PSEN1: variants seen among roughly 807,000 people sequenced by gnomAD.
The protein encoded by PSEN1 is presenilin 1.
Under a neutral mutation model 53.5 loss-of-function variants are expected in PSEN1, and 15 were observed. That is an observed-to-expected ratio of 0.28 (90% CI 0.19 to 0.43). The LOEUF (loss-of-function observed/expected upper bound fraction) is 0.43, where lower values mean the gene tolerates loss of function less well. Ranked by LOEUF, PSEN1 falls within the 20% of genes least tolerant of loss-of-function variation. The pLI, the probability that PSEN1 is intolerant of heterozygous loss-of-function variation, is 1.00. For missense variants in PSEN1, 387 were observed against 571.2 expected (o/e 0.68, Z 3.29); for synonymous variants, 208 against 209.8 (o/e 0.99, Z 0.08).
intron 1 of PSEN1, chr14:73,137,204 G>A (rs987727897): frequency 3.9e-5 from 6 of 152,380 alleles, no homozygotes; most frequent in African/African-American, 1.4e-4. Flanking sequence ...GAGAATTGAG[G>A]TGACTTTTCC....
In PSEN1 at chr14:73,213,111, T is replaced by C. The variant is rs201090176; in HGVS notation, c.1129+1169T>C. 8.5e-5 allele frequency among the ~76,000 whole-genome samples: 13 copies of C among 152,288 alleles called. 1 individual carries two copies. In the East Asian group the frequency reaches 2.3e-3, roughly 27 times the overall value. ...ACTGCTTGGCTGAGTTTTCCAGATA[T>C]CAAAGCCCAGCTGCAGCCTGTGACT... On this transcript the variant is annotated intron_variant, in intron 10 of 11. Coordinates refer to ENST00000324501, the MANE Select transcript of PSEN1 (RefSeq NM_000021.4).
At chr14:73,190,811 AT>A (rs1235783461) in intron 6 of PSEN1, among the ~76,000 whole-genome samples, 5 of 152,214 alleles carry the variant, frequency 3.3e-5, no homozygotes, top group Non-Finnish European at 7.3e-5. Context: ...TGAATTTTAT[AT>A]CTTATTCATG....
chr14:73,211,373 GTC>G (rs1286535076), intron 9 of PSEN1, among the ~76,000 whole-genome samples: 4 of 152,246 alleles, frequency 2.6e-5, no homozygotes, highest in South Asian at 4.1e-4. Flanking sequence ...TTTTCCTTTA[GTC>G]TCTCTTAAAG....
intron 8 of PSEN1, among the ~76,000 whole-genome samples, chr14:73,200,340 A>G (rs772723346): frequency 1.3e-5 from 2 of 151,416 alleles, no homozygotes; most frequent in Non-Finnish European, 2.9e-5. Context: ...CGCAATCTCA[A>G]CTCACTGCAA....
intron 10 of PSEN1, 145 bp downstream of exon 10, chr14:73,212,087 GCTTTTTTT>G (rs1899715136): frequency 6.2e-5 from 5 of 80,690 alleles, no homozygotes; most frequent in South Asian, 5.7e-4. Context: ...CAGTAATAGT[GCTTTTTTT>G]TTTTTTTTTT....
intron 3 of PSEN1, chr14:73,160,083 C>A: frequency 3.6e-6 from 1 of 279,128 alleles, no homozygotes; most frequent in Non-Finnish European, 8.0e-6. Context: ...TTTGGCCTCC[C>A]AAAATACAGA....
rs1397626412 is a variant in PSEN1 at position 73,146,782 on chromosome 14, T to A, written c.-135-1013T>A. 2.6e-5 allele frequency among the ~76,000 whole-genome samples: 4 copies of A among 152,210 alleles called. No individual in the cohort carries two copies. The East Asian group carries it at 7.7e-4, about 29-fold the overall frequency. Reference sequence around the variant, plus strand: ...GAAATAGGACATTGAGAAAATTTTTTTATGTAAATGTGTATATGGTAATGT... The same window carrying A: ...GAAATAGGACATTGAGAAAATTTTTATATGTAAATGTGTATATGGTAATGT... On this transcript the variant is annotated intron_variant, in intron 1 of 11. Transcript: ENST00000324501.
intron 7 of PSEN1, among the ~76,000 whole-genome samples, chr14:73,195,654 C>T (rs1240772645): frequency 2.6e-5 from 4 of 152,058 alleles, no homozygotes; most frequent in Non-Finnish European, 5.9e-5. Flanking sequence ...TGAAGTGGCA[C>T]GATTATAGCT....
At chr14:73,141,077 GC>G (rs1896911712) in intron 1 of PSEN1, among the ~76,000 whole-genome samples, 1 of 152,224 alleles carries the variant, frequency 6.6e-6, no homozygotes, top group African/African-American at 2.4e-5. Flanking sequence ...GTCTGGTTAT[GC>G]CACATCTGCT....
At chr14:73,177,714 A>T (rs1259968158) in intron 5 of PSEN1, among the ~76,000 whole-genome samples, 1 of 152,118 alleles carries the variant, frequency 6.6e-6, no homozygotes, top group South Asian at 2.1e-4. Context: ...TTCAGCCTCC[A>T]TGGTTTCTCA....
chr14:73,206,718 AAGGTTCAGGCTG>A (rs1331207137), intron 9 of PSEN1, among the ~76,000 whole-genome samples: 2 of 152,210 alleles, frequency 1.3e-5, no homozygotes, highest in Non-Finnish European at 2.9e-5. Flanking sequence ...CCAGCATGGA[AAGGTTCAGGCTG>A]AGGTTATGAT....
At chr14:73,173,741 C>T (rs973068469) in intron 5 of PSEN1, 34 bp downstream of exon 5, 2 of 1,610,416 alleles carry the variant, frequency 1.2e-6, no homozygotes, top group African/African-American at 2.7e-5. Flanking sequence ...GCTTTCCACC[C>T]TGTTCTTCTT....
intron 5 of PSEN1, among the ~76,000 whole-genome samples, chr14:73,180,619 G>A (rs2140059583): frequency 1.3e-5 from 2 of 152,270 alleles, no homozygotes; most frequent in Middle Eastern, 6.8e-3. Flanking sequence ...TACATAATTT[G>A]TTATAAAAGG....
chr14:73,142,284 T>C (rs1896952061), intron 1 of PSEN1, among the ~76,000 whole-genome samples: 1 of 152,092 alleles, frequency 6.6e-6, no homozygotes, highest in Non-Finnish European at 1.5e-5. Flanking sequence ...TTTTGTAAAA[T>C]AAAGAATAAA....
intron 5 of PSEN1, among the ~76,000 whole-genome samples, chr14:73,184,638 C>T (rs1327848106): frequency 9.9e-5 from 13 of 130,808 alleles, no homozygotes; most frequent in African/African-American, 2.3e-4. Flanking sequence ...GCTGGCCGGG[C>T]GGGGGGCTGA....
In PSEN1 at chr14:73,208,476, C is replaced by A. The variant is rs914350790; in HGVS notation, c.955+2004C>A. ...GTCTGCAGGCAGGTCATCCTGATGT[C>A]TGTAATCCTCAGTGGAGAGGAGACC... On this transcript the variant is annotated intron_variant, in intron 9 of 11. Coordinates refer to ENST00000324501, the MANE Select transcript of PSEN1 (RefSeq NM_000021.4). Among the ~76,000 whole-genome samples the A allele has an allele frequency of 3.3e-5, 5 of 152,046 alleles. No homozygotes were observed. In the East Asian group the frequency reaches 9.6e-4, roughly 29 times the overall value.
chr14:73,211,898 A>G lies in PSEN1; in HGVS notation c.1085A>G (p.Gln362Arg), dbSNP rs1302810284. The change falls in exon 10 of 12, where the codon CAG becomes CGG. Residue 362 changes from glutamine to arginine, a missense_variant. This residue lies in a region of PSEN1 where 75 missense variants were observed against 63.7 expected (regional missense o/e 1.18). Transcript: ENST00000324501. ...ACACCTGAGTCACGAGCTGCTGTCC[A>G]GGAACTTTCCAGCAGTATCCTCGCT... Reference protein sequence around the residue: ...RSTPESRAAVQELSSSILAGE... With the variant: ...RSTPESRAAVRELSSSILAGE... 1 of 1,613,998 alleles carries G rather than the reference A, an allele frequency of 6.2e-7. No individual in the cohort carries two copies. The highest frequency in any genetic ancestry group is 1.3e-5 in the African/African-American group (1 of 74,980).
chr14:73,210,625 A>G (rs560820843), intron 9 of PSEN1, among the ~76,000 whole-genome samples: 5 of 152,344 alleles, frequency 3.3e-5, no homozygotes, highest in African/African-American at 1.2e-4. Flanking sequence ...GTTTTCATTT[A>G]TAAATCTTAT....
intron 9 of PSEN1, among the ~76,000 whole-genome samples, chr14:73,210,017 C>T (rs1899614561): frequency 6.6e-6 from 1 of 152,172 alleles, no homozygotes. Flanking sequence ...TTTCCAAACA[C>T]TCCCCGGAAG....
Sources: allele counts gnomAD v4.1 joint callset (sites outside exome capture counted in the v4.1 genomes callset), GRCh38; gene constraint gnomAD v4.1.1; regional missense constraint gnomAD v4.1.1; transcripts MANE v1.5; gene names NCBI Gene and HGNC (gene_info 2026-07-23, HGNC 2026-07-21).